Variants in DPM1 observed in about 807,000 individuals in gnomAD.
DPM1 encodes the protein dolichyl-phosphate mannosyltransferase subunit 1, catalytic.
A neutral mutation model predicts 39.0 loss-of-function variants in DPM1; 27 were observed. The ratio of observed to expected loss-of-function variants is 0.69; its 90% CI spans 0.51 to 0.95. The LOEUF is 0.95. Ranked by LOEUF, DPM1 falls within the 40% of genes least tolerant of loss-of-function variation. DPM1 has a pLI of 0.00. For synonymous variants in DPM1, 124 were observed against 109.0 expected (o/e 1.14, Z -0.86); for missense variants, 307 against 315.6 (o/e 0.97, Z 0.21).
chr20:50,945,285 TGTG>T (rs1986201713), intron 5 of DPM1, among the ~76,000 whole-genome samples: 1 of 730 alleles, frequency 1.4e-3, no homozygotes, highest in Non-Finnish European at 3.9e-3. Flanking sequence ...AAATGTGTGT[TGTG>T]TGTGTGTGTG....
chr20:50,946,024 G>A (rs925153554), intron 3 of DPM1, 101 bp from the exon 4 acceptor site: 4 of 995,958 alleles, frequency 4.0e-6, no homozygotes, highest in Non-Finnish European at 6.3e-6. Flanking sequence ...GCACACATTA[G>A]TTCTCTAAAA....
rs538507766 is a variant in DPM1 at position 50,942,982 on chromosome 20, A to G, written c.399-856T>C. 3.3e-5 allele frequency among the ~76,000 whole-genome samples: 5 copies of G among 152,304 alleles called. No homozygotes were observed. The South Asian group carries it at 1.0e-3, about 32-fold the overall frequency. ...CACTTGAGGTCAGGAGTTTGTGACT[A>G]GCCTGGCCAACACAGTGAAACTGTC... On this transcript the variant is annotated intron_variant, in intron 5 of 8. Coordinates refer to ENST00000371588, the MANE Select transcript of DPM1 (RefSeq NM_003859.3).
intron 8 of DPM1, 142 bp from the exon 9 acceptor site, chr20:50,935,378 G>A (rs1266350808): frequency 4.7e-6 from 3 of 640,846 alleles, no homozygotes; most frequent in Non-Finnish European, 8.4e-6. Flanking sequence ...AGGGGATTAT[G>A]AAAGCAACTG....
intron 7 of DPM1, among the ~76,000 whole-genome samples, chr20:50,938,408 C>CA (rs1475883135): frequency 2.7e-5 from 4 of 148,272 alleles, no homozygotes; most frequent in South Asian, 2.1e-4. Flanking sequence ...TTTTTTGAGA[C>CA]AGAGTCTCAC....
Position 50,958,500 on chromosome 20 carries a change from A to G in DPM1, c.24T>C (p.Arg8=), listed in dbSNP as rs1601065880. The part of the protein sequence containing the change: MASLEVS[R]SPRRSRRELE... ...GCTCCCGCCGAGACCTGCGAGGACT[A>G]CGACTGACTTCCAAGGAGGCCATGG... Residue 8 remains arginine, a synonymous_variant, in exon 1 of 9, where the codon CGT becomes CGC. Transcript: ENST00000371588. The G allele has an allele frequency of 6.2e-7, 1 of 1,613,468 alleles. No homozygotes were observed. The highest frequency in any genetic ancestry group is 2.2e-5 in the East Asian group (1 of 44,820).
chr20:50,955,083 T>A (rs750795713), intron 2 of DPM1, 103 bp downstream of exon 2: 14 of 985,244 alleles, frequency 1.4e-5, no homozygotes, highest in Non-Finnish European at 2.2e-5. Flanking sequence ...TCTTTATCTT[T>A]TCAGTTTCTA....
chr20:50,942,380 C>T (rs1334822810), intron 5 of DPM1, among the ~76,000 whole-genome samples: 2 of 152,076 alleles, frequency 1.3e-5, no homozygotes, highest in East Asian at 3.9e-4. Flanking sequence ...GTGGCGGGTG[C>T]CTGTAATCCC....
chr20:50,948,702 A>C (rs906775483), intron 2 of DPM1, 40 bp from the exon 3 acceptor site: 1 of 1,568,188 alleles, frequency 6.4e-7, no homozygotes, highest in Non-Finnish European at 8.8e-7. Flanking sequence ...ACAGAAACAG[A>C]AATCTTATCA....
At chr20:50,955,470 T>C (rs1986778938) in intron 1 of DPM1, among the ~76,000 whole-genome samples, 185 bp from the exon 2 acceptor site, 2 of 152,244 alleles carry the variant, frequency 1.3e-5, no homozygotes, top group South Asian at 2.1e-4. Flanking sequence ...AAACCCAGTA[T>C]GTTGCTGAAA....
chr20:50,935,304 A>G (rs753720371), intron 8 of DPM1, 68 bp from the exon 9 acceptor site: 8 of 920,788 alleles, frequency 8.7e-6, no homozygotes, highest in Non-Finnish European at 1.4e-5. Flanking sequence ...GGTATACCAC[A>G]TTACCAACAC....
At position 50,948,814 on chromosome 20, in the gene DPM1, A is replaced by C. The variant is rs982342781; in HGVS notation, c.262-152T>G. 4.0e-6 allele frequency: 3 copies of C among 741,904 alleles called. 1 individual carries two copies. In the African/African-American group the frequency reaches 5.5e-5, roughly 14 times the overall value. 46.0% of individuals were successfully genotyped at this position (741,904 alleles called of 1,614,324 possible). On this transcript the variant is annotated intron_variant, in intron 2 of 8. Transcript: ENST00000371588. Reference sequence around the variant, plus strand: ...AAGTATCCTTAATATTTTTTTGCCAAAAGAAAAAAAAAAGCATTTGGTAAC... The same window carrying C: ...AAGTATCCTTAATATTTTTTTGCCACAAGAAAAAAAAAAGCATTTGGTAAC...
At chr20:50,937,043 C>CTTTTT (rs75516205) in intron 7 of DPM1, among the ~76,000 whole-genome samples, 1 of 140,414 alleles carries the variant, frequency 7.1e-6, no homozygotes, top group Non-Finnish European at 1.6e-5. Context: ...CAGAGTCACA[C>CTTTTT]TTTTTTTTTT....
chr20:50,943,187 A>T (rs1986003625), intron 5 of DPM1, among the ~76,000 whole-genome samples: 1 of 152,102 alleles, frequency 6.6e-6, no homozygotes, highest in African/African-American at 2.4e-5. Context: ...AACAAAAACA[A>T]TGCAAATCAT....
chr20:50,943,550 G>A (rs546390329), intron 5 of DPM1, among the ~76,000 whole-genome samples: 9 of 151,760 alleles, frequency 5.9e-5, no homozygotes, highest in South Asian at 4.2e-4. Flanking sequence ...TAGTAGGGAC[G>A]GGGTTTCACC....
chr20:50,942,246 G>A (rs373164457), intron 5 of DPM1, 120 bp from the exon 6 acceptor site: 6 of 876,822 alleles, frequency 6.8e-6, no homozygotes, highest in East Asian at 2.5e-5. Context: ...AGTGGCTCAC[G>A]CCTGCAATCC....
At chr20:50,945,636 G>A (rs1055885635) in intron 5 of DPM1, 101 bp downstream of exon 5, 2 of 1,115,454 alleles carry the variant, frequency 1.8e-6, no homozygotes, top group African/African-American at 1.6e-5. Flanking sequence ...AGAAAAAATA[G>A]TATGTGTATT....
intron 3 of DPM1, among the ~76,000 whole-genome samples, chr20:50,947,978 TTGCAGCA>T (rs2123122292): frequency 6.6e-6 from 1 of 152,314 alleles, no homozygotes; most frequent in South Asian, 2.1e-4. Flanking sequence ...GTTCCAAGGT[TTGCAGCA>T]TGCTGGTCCA....
chr20:50,958,544 C>A, upstream of DPM1: 2 of 1,612,810 alleles, frequency 1.2e-6, no homozygotes, highest in South Asian at 1.1e-5. Flanking sequence ...AGCCAGATGC[C>A]GGAAGCGGAA....
At chr20:50,947,627 A>C (rs1986363969) in intron 3 of DPM1, among the ~76,000 whole-genome samples, 1 of 152,202 alleles carries the variant, frequency 6.6e-6, no homozygotes. Flanking sequence ...TAAAAGCTGG[A>C]AAAGCTTCCT....
Sources: gnomAD v4.1 joint callset for allele counts (sites outside exome capture counted in the v4.1 genomes callset) on GRCh38, gnomAD v4.1.1 for gene constraint, MANE v1.5 for transcripts, NCBI Gene and HGNC (gene_info 2026-07-23, HGNC 2026-07-21) for gene names.